Variants in NMNAT3 observed in about 807,000 individuals in gnomAD.
The protein encoded by NMNAT3 is nicotinamide nucleotide adenylyltransferase 3.
Under a neutral mutation model 24.8 loss-of-function variants are expected in NMNAT3, and 21 were observed. The ratio of observed to expected loss-of-function variants is 0.85; its 90% CI spans 0.60 to 1.22. The LOEUF is 1.22. Ranked by LOEUF, NMNAT3 falls within the 50% of genes most tolerant of loss-of-function variation. NMNAT3 has a pLI of 0.00. For missense variants in NMNAT3, 387 were observed against 436.6 expected (o/e 0.89, Z 1.01); for synonymous variants, 136 against 155.2 (o/e 0.88, Z 0.92).
At chr3:139,588,348 T>C (rs1012378176) in intron 3 of NMNAT3, among the ~76,000 whole-genome samples, 1 of 152,046 alleles carries the variant, frequency 6.6e-6, no homozygotes, top group Admixed American at 6.5e-5. Flanking sequence ...AGATATACCA[T>C]CCCTACAGAC....
chr3:139,661,361 A>C (rs2057411110), intron 1 of NMNAT3, among the ~76,000 whole-genome samples: 1 of 152,140 alleles, frequency 6.6e-6, no homozygotes, highest in African/African-American at 2.4e-5. Flanking sequence ...TGTTATGAAA[A>C]ATCACAAACA....
At chr3:139,593,374 A>G (rs908412409) in intron 3 of NMNAT3, among the ~76,000 whole-genome samples, 2 of 152,042 alleles carry the variant, frequency 1.3e-5, no homozygotes, top group Non-Finnish European at 2.9e-5. Flanking sequence ...AGACTTTAAC[A>G]CCCCACTGTC....
chr3:139,565,785 C>G (rs1442479386), intron 6 of NMNAT3: 1 of 152,154 alleles, frequency 6.6e-6, no homozygotes, highest in African/African-American at 2.4e-5. Context: ...GGGTTGGTTC[C>G]AAGTCTTCGC....
At position 139,583,144 on chromosome 3, in the gene NMNAT3, T is replaced by C. The variant is rs2053744743; in HGVS notation, c.174A>G (p.Lys58=). 7.1e-7 allele frequency: 1 copy of C among 1,415,900 alleles called. No individual in the cohort carries two copies. The highest frequency in any genetic ancestry group is 9.9e-7 in the Non-Finnish European group (1 of 1,005,490). The allele number at this position is 1,415,900 out of a possible 1,614,324, so 87.7% of individuals were successfully genotyped here. ...TTTTTTGCAGATGAAAAGAAATATC[T>C]TTTATTGAGATAGACTGAGGTCCAG... Residue 58 remains lysine (K), a synonymous_variant, in exon 4 of 7, where the codon AAA becomes AAG. Transcript: ENST00000643695.
intron 1 of NMNAT3, among the ~76,000 whole-genome samples, chr3:139,639,520 T>C (rs961569324): frequency 9.2e-5 from 14 of 152,182 alleles, no homozygotes; most frequent in Non-Finnish European, 1.8e-4. Flanking sequence ...AAGACAGGCA[T>C]GTTTATTGTC....
At chr3:139,585,624 C>A (rs999975359) in intron 3 of NMNAT3, among the ~76,000 whole-genome samples, 2 of 152,176 alleles carry the variant, frequency 1.3e-5, no homozygotes, top group African/African-American at 2.4e-5. Flanking sequence ...TTGCTTTTGC[C>A]AGGCACCTAA....
intron 3 of NMNAT3, among the ~76,000 whole-genome samples, chr3:139,594,074 T>G (rs555815745): frequency 1.3e-5 from 2 of 150,862 alleles, no homozygotes; most frequent in East Asian, 3.9e-4. Context: ...GCAAGACTAA[T>G]AAAGAAAAAA....
chr3:139,616,721 T>TA (rs2055520489), intron 3 of NMNAT3, among the ~76,000 whole-genome samples: 1 of 152,174 alleles, frequency 6.6e-6, no homozygotes, highest in Non-Finnish European at 1.5e-5. Flanking sequence ...TCATCAAAAA[T>TA]ATTGCTTCAA....
intron 3 of NMNAT3, among the ~76,000 whole-genome samples, chr3:139,605,506 C>G (rs2054902614): frequency 6.6e-6 from 1 of 152,078 alleles, no homozygotes; most frequent in South Asian, 2.1e-4. Flanking sequence ...CTTTTCAGCT[C>G]TAAAGTACCA....
Position 139,669,567 on chromosome 3 carries a change from C to G in NMNAT3, c.-141+8138G>C, listed in dbSNP as rs571418662. On this transcript the variant is annotated intron_variant, in intron 1 of 6. Transcript: ENST00000643695. The stretch of plus-strand genomic sequence containing the variant: ...AATGTCAGCACAACCATAGAGTATG[C>G]CTCGTTTGTGAATAGATACTTTGAT... Among the ~76,000 whole-genome samples the G allele has an allele frequency of 3.3e-5, 5 of 151,114 alleles. No individual in the cohort carries two copies. The East Asian group carries it at 7.8e-4, about 23-fold the overall frequency.
At chr3:139,640,582 A>G (rs1459837114) in intron 1 of NMNAT3, among the ~76,000 whole-genome samples, 1 of 152,184 alleles carries the variant, frequency 6.6e-6, no homozygotes, top group Non-Finnish European at 1.5e-5. Flanking sequence ...ATCCTGAAAT[A>G]TCTGGGAAGG....
chr3:139,675,564 C>T (rs1488542983), intron 1 of NMNAT3, among the ~76,000 whole-genome samples: 2 of 152,178 alleles, frequency 1.3e-5, no homozygotes, highest in Non-Finnish European at 2.9e-5. Flanking sequence ...TGCAGAACAC[C>T]CCTCTCTGCT....
intron 1 of NMNAT3, among the ~76,000 whole-genome samples, chr3:139,646,452 G>A (rs560608247): frequency 6.6e-6 from 1 of 152,146 alleles, no homozygotes; most frequent in African/African-American, 2.4e-5. Context: ...GGCAGTCCAC[G>A]TAGGCCCCAT....
intron 3 of NMNAT3, among the ~76,000 whole-genome samples, chr3:139,610,247 A>G (rs2055146767): frequency 6.6e-6 from 1 of 152,196 alleles, no homozygotes; most frequent in South Asian, 2.1e-4. Flanking sequence ...GGTGCAGTCA[A>G]GTCTGGTGCT....
At chr3:139,646,823 G>T (rs567446135) in intron 1 of NMNAT3, among the ~76,000 whole-genome samples, 6 of 152,342 alleles carry the variant, frequency 3.9e-5, no homozygotes, top group African/African-American at 1.4e-4. Context: ...TAGGCTTTTT[G>T]CAGGGAGGAC....
At chr3:139,649,527 C>G (rs2056986518) in intron 1 of NMNAT3, among the ~76,000 whole-genome samples, 1 of 152,204 alleles carries the variant, frequency 6.6e-6, no homozygotes, top group Non-Finnish European at 1.5e-5. Context: ...CCAAGGGAAT[C>G]TGTCTTTTGA....
chr3:139,631,757 C>T (rs146448596), intron 2 of NMNAT3, among the ~76,000 whole-genome samples: 77 of 152,112 alleles, frequency 5.1e-4, no homozygotes, highest in Middle Eastern at 3.4e-3. Flanking sequence ...CCACCTGAAA[C>T]GCCATCCTGA....
At chr3:139,575,772 G>T in intron 5 of NMNAT3, 1 of 1,154,442 alleles carries the variant, frequency 8.7e-7, no homozygotes, top group Non-Finnish European at 1.1e-6. Context: ...GATTGACCCT[G>T]GGGGCATGTT....
chr3:139,650,033 C>T (rs2057004551), intron 1 of NMNAT3, among the ~76,000 whole-genome samples: 1 of 152,130 alleles, frequency 6.6e-6, no homozygotes, highest in African/African-American at 2.4e-5. Context: ...TTTGGATAAA[C>T]AAAAGCAAGG....
Sources: gnomAD v4.1 joint callset for allele counts (sites outside exome capture counted in the v4.1 genomes callset) on GRCh38, gnomAD v4.1.1 for gene constraint, MANE v1.5 for transcripts, NCBI Gene and HGNC (gene_info 2026-07-23, HGNC 2026-07-21) for gene names.